KLHL3: variants seen among roughly 807,000 people sequenced by gnomAD.
The protein encoded by KLHL3 is kelch-like protein 3.
A neutral mutation model predicts 70.5 loss-of-function variants in KLHL3; 19 were observed. The observed-to-expected ratio is 0.27, with a 90% CI of 0.19 to 0.40. The LOEUF is 0.40. KLHL3 is among the 10% of genes least tolerant of loss of function. The pLI is 1.00. For synonymous variants in KLHL3, 258 were observed against 290.3 expected, an observed-to-expected ratio of 0.89 and a Z score of 1.13; for missense variants, 512 against 771.1, an observed-to-expected ratio of 0.66 and a Z score of 3.98.
rs1418231043 is a variant in KLHL3, at chr5:137,619,344, G to A, written c.*2754C>T. ...TGGAGAGATGCCATTGGGTACTTAT[G>A]AGAAATAACTTTGGAATTCAGAATC... On this transcript the variant is annotated 3_prime_UTR_variant, in exon 15 of 15. Coordinates refer to ENST00000309755, the MANE Select transcript of KLHL3 (RefSeq NM_017415.3). The A allele has an allele frequency of 1.3e-5, 2 of 152,636 alleles. No homozygotes were observed. Among genetic ancestry groups the A allele is most frequent in the African/African-American group, 2.4e-5 (1 of 41,440 alleles). 9.5% of individuals were successfully genotyped at this position (152,636 alleles called of 1,614,324 possible).
At chr5:137,735,584 C>A (rs1753248280) in intron 1 of KLHL3, 49 bp downstream of exon 1, 10 of 1,428,868 alleles carry the variant, frequency 7.0e-6, no homozygotes, top group African/African-American at 1.4e-5. Flanking sequence ...CGCAAGCACA[C>A]ATACACTTAC....
intron 2 of KLHL3, among the ~76,000 whole-genome samples, chr5:137,714,753 T>A (rs1752862006): frequency 6.6e-6 from 1 of 152,180 alleles, no homozygotes; most frequent in Non-Finnish European, 1.5e-5. Context: ...AGCCATTAAA[T>A]TGTAACTTTA....
At chr5:137,677,697 T>A in intron 5 of KLHL3, 43 bp from the exon 6 acceptor site, 1 of 1,251,206 alleles carries the variant, frequency 8.0e-7, no homozygotes, top group Non-Finnish European at 1.1e-6. Flanking sequence ...AACAAAGTTG[T>A]AACACACTTC....
At chr5:137,718,275 A>T (rs1752933964) in intron 2 of KLHL3, among the ~76,000 whole-genome samples, 1 of 152,268 alleles carries the variant, frequency 6.6e-6, no homozygotes, top group South Asian at 2.1e-4. Context: ...TTGGGGAAAG[A>T]GAAAAACCTA....
At chr5:137,666,113 T>C (rs1751608980) in intron 6 of KLHL3, among the ~76,000 whole-genome samples, 1 of 152,220 alleles carries the variant, frequency 6.6e-6, no homozygotes, top group African/African-American at 2.4e-5. Flanking sequence ...AGAGACCTTG[T>C]CTTATTTGCT....
chr5:137,673,269 C>T (rs970258057), intron 6 of KLHL3, among the ~76,000 whole-genome samples: 1 of 152,162 alleles, frequency 6.6e-6, no homozygotes, highest in Non-Finnish European at 1.5e-5. Flanking sequence ...ATTTTACAAG[C>T]AGTTGCAATT....
chr5:137,725,048 T>C, intron 1 of KLHL3: 9 of 985,190 alleles, frequency 9.1e-6, no homozygotes, highest in Non-Finnish European at 1.1e-5. Context: ...CCTAAACCTT[T>C]TTCCCTCCAT....
chr5:137,639,937 C>T lies in KLHL3; in HGVS notation c.944G>A (p.Arg315His), dbSNP rs749043925. The T allele has an allele frequency of 4.3e-6, 7 of 1,614,032 alleles. No homozygotes were observed. The highest frequency in any genetic ancestry group is 2.7e-5 in the African/African-American group (2 of 74,918). The part of the protein sequence containing the change: ...VVGGQAPKAI[R>H]SVECYDFEED... ...CTCGAAATCATAGCACTCCACACTGCGGATTGCCTTGGGTGCCTGGCCGCC... is the reference window on the plus strand; with the variant it reads ...CTCGAAATCATAGCACTCCACACTGTGGATTGCCTTGGGTGCCTGGCCGCC... The change falls in exon 9 of 15, where the codon CGC becomes CAC. Residue 315 changes from arginine (R) to histidine (H), a missense_variant. Coordinates refer to ENST00000309755, the MANE Select transcript of KLHL3 (RefSeq NM_017415.3). The surrounding 1 kb of genome is among the most constrained non-coding windows in gnomAD (Gnocchi z 5.0).
intron 8 of KLHL3, among the ~76,000 whole-genome samples, chr5:137,655,264 A>G (rs1751308983): frequency 6.6e-6 from 1 of 152,230 alleles, no homozygotes; most frequent in Non-Finnish European, 1.5e-5. Context: ...GGAAATTTAG[A>G]TCATAATAAA....
chr5:137,709,504 GAACTAA>G lies in KLHL3; in HGVS notation c.241+240_241+245del, dbSNP rs1044321414. Among the ~76,000 whole-genome samples the G allele has an allele frequency of 4.6e-5, 7 of 152,344 alleles. No homozygotes were observed. The East Asian group carries it at 1.3e-3, about 29-fold the overall frequency. ...GATTATGGTGCAGGGTGAGTTTTGAGAACTAATGGGCTATGTGAGTCTACCTTTTTT... is the reference window on the plus strand; with the variant it reads ...GATTATGGTGCAGGGTGAGTTTTGAGTGGGCTATGTGAGTCTACCTTTTTT... On this transcript the variant is annotated intron_variant, in intron 3 of 14. Coordinates refer to ENST00000309755, the MANE Select transcript of KLHL3 (RefSeq NM_017415.3).
intron 5 of KLHL3, among the ~76,000 whole-genome samples, chr5:137,680,268 T>C (rs913486803): frequency 2.6e-5 from 4 of 152,196 alleles, no homozygotes; most frequent in African/African-American, 7.2e-5. Context: ...ATGGAGAATG[T>C]AGTAAAGAGC....
Position 137,639,836 on chromosome 5 carries a change from T to C in KLHL3, c.1021+24A>G, listed in dbSNP as rs1750867465. ...TGGGGACCAGCAGGGGAAAAACAGC[T>C]TGCAGAACTGGGAGGCTGCTCACCT... On this transcript the variant is annotated intron_variant, in intron 9 of 14. Coordinates refer to ENST00000309755, the MANE Select transcript of KLHL3 (RefSeq NM_017415.3). The surrounding 1 kb of genome is among the most constrained non-coding windows in gnomAD (Gnocchi z 5.0). The C allele has an allele frequency of 6.3e-7, 1 of 1,579,564 alleles. No individual in the cohort carries two copies.
In KLHL3 at chr5:137,703,778, T is replaced by C. The variant is rs1752618848; in HGVS notation, c.242-5370A>G. On this transcript the variant is annotated intron_variant, in intron 3 of 14. Coordinates refer to ENST00000309755, the MANE Select transcript of KLHL3 (RefSeq NM_017415.3). Reference sequence around the variant, plus strand: ...ATCACCCGCCCTCCCTGGAATCTCATCCCTCCTCCACCTGGAAATATCTTT... The same window carrying C: ...ATCACCCGCCCTCCCTGGAATCTCACCCCTCCTCCACCTGGAAATATCTTT... 2.7e-5 allele frequency among the ~76,000 whole-genome samples: 4 copies of C among 149,698 alleles called. No homozygotes were observed. In the South Asian group the frequency reaches 8.5e-4, roughly 32 times the overall value.
At chr5:137,713,740 C>T (rs780038790) in intron 2 of KLHL3, among the ~76,000 whole-genome samples, 1 of 152,108 alleles carries the variant, frequency 6.6e-6, no homozygotes, top group Non-Finnish European at 1.5e-5. Context: ...AATGAAAAGA[C>T]AATCCATAGA....
At chr5:137,681,166 T>G (rs931146690) in intron 5 of KLHL3, among the ~76,000 whole-genome samples, 40 of 152,162 alleles carry the variant, frequency 2.6e-4, no homozygotes, top group Middle Eastern at 3.2e-3. Flanking sequence ...AGGTTTCCCA[T>G]ATATTAAATG....
Position 137,677,529 on chromosome 5 carries a change from G to A in KLHL3, c.636+16C>T, listed in dbSNP as rs145974508. The A allele has an allele frequency of 6.6e-4, 980 of 1,491,836 alleles. 9 individuals are homozygous for A. The East Asian group carries it at 0.019, about 28-fold the overall frequency. 92.4% of individuals were successfully genotyped at this position (1,491,836 alleles called of 1,614,324 possible). A position where few individuals can be genotyped will look rare whatever the true frequency, so the allele number is the denominator to read the frequency against. ...GACGAGTGAGGTTCCCGTTTCCCCA[G>A]TGAGCCATGTCATACCTTCTCTTCT... On this transcript the variant is annotated intron_variant, in intron 6 of 14. Transcript: ENST00000309755.
At chr5:137,625,360 T>C (rs1044777415) in intron 14 of KLHL3, among the ~76,000 whole-genome samples, 4 of 152,224 alleles carry the variant, frequency 2.6e-5, no homozygotes, top group African/African-American at 9.6e-5. Context: ...AGTTGTCCAA[T>C]TCGACCCTGG....
chr5:137,713,096 T>A (rs1270651599), intron 2 of KLHL3, among the ~76,000 whole-genome samples: 1 of 145,238 alleles, frequency 6.9e-6, no homozygotes, highest in Non-Finnish European at 1.5e-5. Flanking sequence ...AGTGGTTACA[T>A]GGTCCTGGAA....
At chr5:137,640,004 G>A (rs377766223) in intron 8 of KLHL3, 27 bp from the exon 9 acceptor site, 184 of 1,588,968 alleles carry the variant, frequency 1.2e-4, no homozygotes, top group Non-Finnish European at 1.4e-4. Context: ...GGACGTTAGC[G>A]GGGTCACCCC....
Sources: allele counts gnomAD v4.1 joint callset (sites outside exome capture counted in the v4.1 genomes callset), GRCh38; gene constraint gnomAD v4.1.1; non-coding constraint Gnocchi (gnomAD v3.1); transcripts MANE v1.5; gene names NCBI Gene and HGNC (gene_info 2026-07-23, HGNC 2026-07-21).